ADPRHL1: variants seen among roughly 807,000 people sequenced by gnomAD.
The protein encoded by ADPRHL1 is ADP-ribosylhydrolase like 1.
A neutral mutation model predicts 44.1 loss-of-function variants in ADPRHL1; 43 were observed. The ratio of observed to expected loss-of-function variants is 0.98; its 90% CI spans 0.76 to 1.26. The LOEUF (loss-of-function observed/expected upper bound fraction) is 1.26. ADPRHL1 is among the 50% of genes most tolerant of loss of function. The probability of loss-of-function intolerance (pLI) is 0.00; values close to 1 mark genes in which losing one functional copy is unlikely to be tolerated. For missense variants in ADPRHL1, 2,022 were observed against 2,496.9 expected, an observed-to-expected ratio of 0.81 and a Z score of 4.05; for synonymous variants, 878 against 1,017.4, an observed-to-expected ratio of 0.86 and a Z score of 2.61.
chr13:113,444,251 G>A (rs1381450159), intron 2 of ADPRHL1, among the ~76,000 whole-genome samples, 174 bp downstream of exon 2: 1 of 152,054 alleles, frequency 6.6e-6, no homozygotes, highest in South Asian at 2.1e-4. Flanking sequence ...TTAAACAGAC[G>A]CCCGCACTGG....
At chr13:113,421,230 T>C (rs1421902382) in intron 7 of ADPRHL1, among the ~76,000 whole-genome samples, 14 of 4,320 alleles carry the variant, frequency 3.2e-3, no homozygotes, top group Non-Finnish European at 5.0e-3. Context: ...CCAGGACACC[T>C]CTACCCCCGG....
Position 113,409,777 on chromosome 13 carries a change from T to C in ADPRHL1, c.1062-1557A>G, listed in dbSNP as rs904985308. ...GGTGGCGGGCGCCTGTAGTCCCAGC[T>C]ACTTGGGAGGCTGAGGCAGGCGAAT... is the stretch of plus-strand genomic sequence containing the variant. On this transcript the variant is annotated intron_variant, in intron 7 of 7. Transcript: ENST00000612156. This position sits in a 1 kb window ranked among gnomAD's most constrained non-coding sequence, Gnocchi z 4.2. Among the ~76,000 whole-genome samples, 10 of 150,522 alleles carry C rather than the reference T, an allele frequency of 6.6e-5. No homozygotes were observed. The highest frequency in any genetic ancestry group is 2.4e-4 in the African/African-American group (10 of 40,894).
intron 4 of ADPRHL1, among the ~76,000 whole-genome samples, chr13:113,428,640 A>G (rs925780130): frequency 1.3e-5 from 2 of 152,256 alleles, no homozygotes; most frequent in Non-Finnish European, 2.9e-5. Flanking sequence ...AGTGGCTGCC[A>G]GTCGCTTGGT....
chr13:113,416,590 G>A (rs544561663), intron 7 of ADPRHL1, among the ~76,000 whole-genome samples: 1 of 152,102 alleles, frequency 6.6e-6, no homozygotes, highest in African/African-American at 2.4e-5. Flanking sequence ...ACAGGGTATC[G>A]GGTTAGTGAG....
chr13:113,400,862 A>G lies in ADPRHL1; in HGVS notation c.*2516T>C, dbSNP rs376991995. The G allele has an allele frequency of 6.6e-4, 100 of 152,278 alleles. No homozygotes were observed. The highest frequency in any genetic ancestry group is 2.3e-3 in the African/African-American group (94 of 41,544). 9.4% of individuals were successfully genotyped at this position (152,278 alleles called of 1,614,324 possible). A position where few individuals can be genotyped will look rare whatever the true frequency, so the allele number is the denominator to read the frequency against. On this transcript the variant is annotated 3_prime_UTR_variant, in exon 8 of 8. Transcript: ENST00000612156. ...AGACTGTGAGAGGGGTTCAGGCACG[A>G]CACTTCCGGAGCTGTCATCTGGAGG...
At chr13:113,419,907 GGT>G (rs1001536831) in intron 7 of ADPRHL1, among the ~76,000 whole-genome samples, 4 of 152,120 alleles carry the variant, frequency 2.6e-5, no homozygotes, top group African/African-American at 9.7e-5. Context: ...GGACAGCCAG[GGT>G]GTGTGTGTGG....
intron 1 of ADPRHL1, among the ~76,000 whole-genome samples, chr13:113,446,023 AG>A (rs1838296667): frequency 6.8e-6 from 1 of 146,172 alleles, no homozygotes; most frequent in African/African-American, 2.6e-5. Flanking sequence ...CTTGGGGCCC[AG>A]CGGCTGCAAA....
rs562119389 is a variant in ADPRHL1, at chr13:113,405,628, G to A, written c.3654C>T (p.Leu1218=). 6.1e-4 allele frequency: 751 copies of A among 1,232,798 alleles called. No homozygotes were observed. The highest frequency in any genetic ancestry group is 9.3e-4 in the Middle Eastern group (3 of 3,218). The allele number at this position is 1,232,798 out of a possible 1,614,324, so 76.4% of individuals were successfully genotyped here. Residue 1218 remains leucine, a synonymous_variant, in exon 8 of 8, where the codon CTC becomes CTT. Transcript: ENST00000612156. ...ATCGGGCCGCCTCTGGGTGCCGGGC[G>A]AGGGCCGCAGCATCCTCCGGGTGGC... ...LARHPEDAAA[L]ARHPEAARLY...
intron 4 of ADPRHL1, among the ~76,000 whole-genome samples, chr13:113,427,457 GACCTCAGGTGATCC>G (rs2043975415): frequency 6.6e-6 from 1 of 152,140 alleles, no homozygotes; most frequent in South Asian, 2.1e-4. Context: ...TCGAACTCCT[GACCTCAGGTGATCC>G]ACCTGCCTCG....
At chr13:113,412,635 G>T (rs1043281164) in intron 7 of ADPRHL1, among the ~76,000 whole-genome samples, 1 of 152,220 alleles carries the variant, frequency 6.6e-6, no homozygotes, top group Non-Finnish European at 1.5e-5. Context: ...GCACAGCCGG[G>T]CGGGCTGGCA....
chr13:113,414,689 T>G (rs1201249308), intron 7 of ADPRHL1, among the ~76,000 whole-genome samples: 1 of 151,422 alleles, frequency 6.6e-6, no homozygotes, highest in Non-Finnish European at 1.5e-5. Flanking sequence ...GTTTTTTTTT[T>G]TTTTTAGATG....
At chr13:113,442,043 G>C (rs909553878) in intron 2 of ADPRHL1, among the ~76,000 whole-genome samples, 2 of 152,280 alleles carry the variant, frequency 1.3e-5, no homozygotes, top group Non-Finnish European at 2.9e-5. Context: ...TTCTGTCTGA[G>C]TGACTTCCAT....
rs2043765604 is a variant in ADPRHL1, at chr13:113,401,992, GCAC to G, written c.*1383_*1385del. On this transcript the variant is annotated 3_prime_UTR_variant, in exon 8 of 8. Transcript: ENST00000612156. The surrounding 1 kb of genome is among the most constrained non-coding windows in gnomAD (Gnocchi z 5.5). ...GTCAGAAAACAGGTGCTCGCAGCAG[GCAC>G]CAAAGCGCCTTTGCGAACGCTTAGG... The G allele has an allele frequency of 6.6e-6, 1 of 152,264 alleles. No homozygotes were observed. Among genetic ancestry groups the G allele is most frequent in the African/African-American group, 2.4e-5 (1 of 41,466 alleles). The allele number at this position is 152,264 out of a possible 1,614,324, so 9.4% of individuals were successfully genotyped here.
In ADPRHL1 at chr13:113,403,671, C is replaced by T. The variant is rs545293047; in HGVS notation, c.5611G>A (p.Gly1871Ser). 87 of 1,232,014 alleles carry T rather than the reference C, an allele frequency of 7.1e-5. No homozygotes were observed. The African/African-American group carries it at 1.1e-3, about 16-fold the overall frequency. The allele number at this position is 1,232,014 out of a possible 1,614,324, so 76.3% of individuals were successfully genotyped here. The change falls in exon 8 of 8, where the codon GGC (glycine) becomes AGC (serine). Residue 1871 changes from glycine to serine, a missense_variant. Around this residue, in one of 8 missense-constraint regions of ADPRHL1, gnomAD observed 205 missense variants for 250.1 expected, o/e 0.82. Transcript: ENST00000612156. ...YPPPGSRPLRGKSIATSPLGL... is the reference protein window; with the variant it reads ...YPPPGSRPLRSKSIATSPLGL... Reference sequence around the variant, plus strand: ...AGGGGAGAGGTGGCAATGCTCTTGCCCCTGAGGGGGCGGCTTCCTGGGGGT... The same window carrying T: ...AGGGGAGAGGTGGCAATGCTCTTGCTCCTGAGGGGGCGGCTTCCTGGGGGT...
intron 1 of ADPRHL1, among the ~76,000 whole-genome samples, 190 bp from the exon 2 acceptor site, chr13:113,444,779 C>T (rs530427579): frequency 4.6e-5 from 7 of 152,246 alleles, no homozygotes; most frequent in East Asian, 1.9e-4. Flanking sequence ...CCCACCACCA[C>T]GCCCGGCTAA....
At chr13:113,451,237 A>T (rs1365371311) in intron 1 of ADPRHL1, among the ~76,000 whole-genome samples, 1 of 152,224 alleles carries the variant, frequency 6.6e-6, no homozygotes, top group Non-Finnish European at 1.5e-5. Flanking sequence ...AATAAAAAGT[A>T]ATTGCTACAA....
intron 1 of ADPRHL1, among the ~76,000 whole-genome samples, chr13:113,448,391 A>AG (rs2044156431): frequency 7.3e-6 from 1 of 136,628 alleles, no homozygotes; most frequent in Non-Finnish European, 1.5e-5. Context: ...GCTTGAACTC[A>AG]GGAGGTGGAG....
chr13:113,414,263 T>C (rs1479066337), intron 7 of ADPRHL1, among the ~76,000 whole-genome samples: 2 of 152,236 alleles, frequency 1.3e-5, no homozygotes, highest in African/African-American at 4.8e-5. Context: ...CACATGTTTC[T>C]GACAGGGACA....
chr13:113,429,417 C>T (rs1023961471), intron 3 of ADPRHL1, among the ~76,000 whole-genome samples: 2 of 152,246 alleles, frequency 1.3e-5, no homozygotes, highest in African/African-American at 4.8e-5. Flanking sequence ...TGGGACCGCA[C>T]GCGATTTGTC....
Sources: allele counts gnomAD v4.1 joint callset (sites outside exome capture counted in the v4.1 genomes callset), GRCh38; gene constraint gnomAD v4.1.1; regional missense constraint gnomAD v4.1.1; non-coding constraint Gnocchi (gnomAD v3.1); transcripts MANE v1.5; gene names NCBI Gene and HGNC (gene_info 2026-07-23, HGNC 2026-07-21).